Variants in ADGRL3 observed in about 807,000 individuals in gnomAD.
ADGRL3 encodes the protein adhesion G protein-coupled receptor L3.
Under a neutral mutation model 153.5 loss-of-function variants are expected in ADGRL3, and 62 were observed. The observed-to-expected ratio is 0.40, with a 90% CI of 0.33 to 0.50. ADGRL3 has a LOEUF of 0.50. ADGRL3 is among the 20% of genes least tolerant of loss of function. The pLI is 0.47. For synonymous variants in ADGRL3, 710 were observed against 672.5 expected, an observed-to-expected ratio of 1.06 and a Z score of -0.86; for missense variants, 1,641 against 1,859.4, an observed-to-expected ratio of 0.88 and a Z score of 2.16.
intron 5 of ADGRL3, among the ~76,000 whole-genome samples, chr4:61,650,891 TC>T (rs2094220707): frequency 6.6e-6 from 1 of 152,158 alleles, no homozygotes; most frequent in African/African-American, 2.4e-5. Flanking sequence ...CTGACAATAC[TC>T]ATGTTTATTT....
At chr4:61,507,026 G>A (rs2098435232) in intron 3 of ADGRL3, among the ~76,000 whole-genome samples, 3 of 152,156 alleles carry the variant, frequency 2.0e-5, no homozygotes, top group Admixed American at 1.3e-4. Context: ...GATATCACAA[G>A]AGTAGTAAAC....
rs1561368389 is a variant in ADGRL3 at position 61,857,004 on chromosome 4, CTTT to C, written c.1481-35651_1481-35649del. Among the ~76,000 whole-genome samples, 3 of 122,232 alleles carry C rather than the reference CTTT, an allele frequency of 2.5e-5. 1 individual carries two copies. The highest frequency in any genetic ancestry group is 1.0e-4 in the African/African-American group (3 of 30,056). 80.2% of individuals were successfully genotyped at this position (122,232 alleles called of 152,430 possible). On this transcript the variant is annotated intron_variant, in intron 9 of 26. Coordinates refer to ENST00000683033, the MANE Select transcript of ADGRL3 (RefSeq NM_001387552.1). ...TCTTTCTTTCTTTCTTTCTTTCTTT[CTTT>C]CTTTCTTTCCTTCCTCCCTTCCTTC...
chr4:61,789,076 G>C (rs1003569717), intron 8 of ADGRL3, among the ~76,000 whole-genome samples: 2 of 151,980 alleles, frequency 1.3e-5, no homozygotes, highest in Non-Finnish European at 2.9e-5. Context: ...CATGCATTAT[G>C]TCATAAAATA....
intron 8 of ADGRL3, among the ~76,000 whole-genome samples, chr4:61,763,493 G>T (rs1407213677): frequency 6.6e-6 from 1 of 151,990 alleles, no homozygotes; most frequent in Non-Finnish European, 1.5e-5. Context: ...AGACAATTGT[G>T]AATTGCCTGT....
chr4:61,781,331 C>CAAAAAAAAAAAAAAAAA (rs71281828), intron 8 of ADGRL3, among the ~76,000 whole-genome samples: 37 of 64,294 alleles, frequency 5.8e-4, no homozygotes, highest in African/African-American at 2.1e-3. Flanking sequence ...ATTCTGCCTC[C>CAAAAAAAAAAAAAAAAA]AAAAAAAAAA....
intron 6 of ADGRL3, among the ~76,000 whole-genome samples, chr4:61,710,336 T>C (rs536792652): frequency 6.6e-6 from 1 of 152,342 alleles, no homozygotes; most frequent in South Asian, 2.1e-4. Context: ...TGATCCAATC[T>C]AGAACTTTAA....
chr4:61,410,195 A>G (rs1490049208), intron 2 of ADGRL3, among the ~76,000 whole-genome samples: 1 of 152,104 alleles, frequency 6.6e-6, no homozygotes, highest in Non-Finnish European at 1.5e-5. Context: ...TATATTCATG[A>G]GTTCTAAAAA....
At chr4:61,601,585 T>C (rs1414386001) in intron 5 of ADGRL3, among the ~76,000 whole-genome samples, 1 of 152,202 alleles carries the variant, frequency 6.6e-6, no homozygotes, top group Non-Finnish European at 1.5e-5. Flanking sequence ...AAATAAATTA[T>C]CATTTTTTCC....
chr4:61,741,545 A>C (rs1285545285), intron 8 of ADGRL3, among the ~76,000 whole-genome samples: 3 of 152,234 alleles, frequency 2.0e-5, no homozygotes, highest in Admixed American at 6.5e-5. Flanking sequence ...TTCAGGGAGC[A>C]CAGCCAAAGC....
intron 9 of ADGRL3, among the ~76,000 whole-genome samples, chr4:61,838,872 C>A (rs6551659): frequency 0.62 from 93,646 of 152,022 alleles, 32,209 homozygotes; most frequent in Non-Finnish European, 0.8. Context: ...AACTTACATT[C>A]TTTTCTTTGT....
intron 11 of ADGRL3, among the ~76,000 whole-genome samples, chr4:61,900,936 T>A (rs2098661218): frequency 6.6e-6 from 1 of 152,168 alleles, no homozygotes; most frequent in Non-Finnish European, 1.5e-5. Context: ...TCTTAATGAC[T>A]GCTGTAAAAT....
At chr4:61,623,727 A>C (rs1579923990) in intron 5 of ADGRL3, among the ~76,000 whole-genome samples, 1 of 152,260 alleles carries the variant, frequency 6.6e-6, no homozygotes, top group Non-Finnish European at 1.5e-5. Context: ...TGAGGAAGGC[A>C]AACATTCAGA....
chr4:61,820,725 G>T (rs547640243), intron 9 of ADGRL3, among the ~76,000 whole-genome samples: 1 of 152,270 alleles, frequency 6.6e-6, no homozygotes, highest in African/African-American at 2.4e-5. Flanking sequence ...GGAAATGAAA[G>T]AAATACTACT....
At chr4:61,508,616 G>A (rs1048060681) in intron 3 of ADGRL3, among the ~76,000 whole-genome samples, 2 of 152,044 alleles carry the variant, frequency 1.3e-5, no homozygotes, top group East Asian at 3.9e-4. Flanking sequence ...TAGATTCAGG[G>A]GGTAAATGTA....
intron 24 of ADGRL3, among the ~76,000 whole-genome samples, chr4:62,042,985 G>A (rs1046571287): frequency 2.6e-5 from 4 of 151,960 alleles, no homozygotes; most frequent in East Asian, 1.9e-4. Flanking sequence ...AAATCATTTA[G>A]TACATACTCT....
chr4:61,847,625 TAAA>T (rs1457604539), intron 9 of ADGRL3, among the ~76,000 whole-genome samples: 1 of 44,706 alleles, frequency 2.2e-5, no homozygotes, highest in African/African-American at 7.4e-5. Context: ...ATATATAATA[TAAA>T]ATATATTATA....
intron 2 of ADGRL3, among the ~76,000 whole-genome samples, chr4:61,465,246 A>G (rs564411339): frequency 1.3e-5 from 2 of 152,170 alleles, no homozygotes; most frequent in Non-Finnish European, 2.9e-5. Context: ...ATACAAGAAT[A>G]TGCCCAAACT....
At chr4:61,222,620 G>T (rs1261486948) in intron 1 of ADGRL3, among the ~76,000 whole-genome samples, 1 of 152,104 alleles carries the variant, frequency 6.6e-6, no homozygotes, top group Non-Finnish European at 1.5e-5. Context: ...AAGCTCCATT[G>T]GAAATGCCAG....
intron 9 of ADGRL3, among the ~76,000 whole-genome samples, chr4:61,847,492 A>G (rs2098130771): frequency 6.9e-6 from 1 of 145,032 alleles, no homozygotes; most frequent in South Asian, 2.1e-4. Flanking sequence ...AGGTAGATAT[A>G]CTTTTCTGTG....
Sources: gnomAD v4.1 joint callset for allele counts (sites outside exome capture counted in the v4.1 genomes callset) on GRCh38, gnomAD v4.1.1 for gene constraint, MANE v1.5 for transcripts, NCBI Gene and HGNC (gene_info 2026-07-23, HGNC 2026-07-21) for gene names.